USP13: variants seen among roughly 807,000 people sequenced by gnomAD.
The protein encoded by USP13 is ubiquitin carboxyl-terminal hydrolase 13.
Under a neutral mutation model 107.8 loss-of-function variants are expected in USP13, and 68 were observed. That is an observed-to-expected ratio of 0.63 (90% CI 0.52 to 0.77). The LOEUF (loss-of-function observed/expected upper bound fraction) is 0.77. Among genes scored for constraint, USP13 ranks in the 30% least tolerant of loss-of-function variants. The pLI, the probability that USP13 is intolerant of heterozygous loss-of-function variation, is 0.00. For missense variants in USP13, 945 were observed against 1,093.3 expected (o/e 0.86, Z 1.91); for synonymous variants, 377 against 389.5 (o/e 0.97, Z 0.38).
rs1486221029 is a variant in USP13 at position 179,721,157 on chromosome 3, T to G, written c.901-245T>G. On this transcript the variant is annotated intron_variant, in intron 7 of 20. Transcript: ENST00000263966. The surrounding 1 kb of genome is among the most constrained non-coding windows in gnomAD (Gnocchi z 4.3). ...GTGTTTTAAAAATTGTGGTACAATA[T>G]ATATAATATAAAAGCTACCATTTTA... 1.3e-5 allele frequency among the ~76,000 whole-genome samples: 2 copies of G among 152,206 alleles called. No homozygotes were observed. Among genetic ancestry groups the G allele is most frequent in the African/African-American group, 4.8e-5 (2 of 41,444 alleles).
Position 179,725,578 on chromosome 3 carries a change from A to G in USP13, c.1088+3989A>G, listed in dbSNP as rs183551216. On this transcript the variant is annotated intron_variant, in intron 8 of 20. Transcript: ENST00000263966. ...AAGTTTCTAGTAGTTAGGGAATCCA[A>G]TTAGAAGTCATTGCCAAGTAATAGT... 2.4e-3 allele frequency among the ~76,000 whole-genome samples: 370 copies of G among 152,302 alleles called. 5 individuals are homozygous for G. The highest frequency in any genetic ancestry group is 8.6e-3 in the African/African-American group (358 of 41,566).
intron 1 of USP13, among the ~76,000 whole-genome samples, chr3:179,680,206 GAA>G (rs1711600345): frequency 7.8e-6 from 1 of 128,894 alleles, no homozygotes; most frequent in East Asian, 2.5e-4. Flanking sequence ...ACAACAAAAA[GAA>G]AGAGAGAGAG....
intron 1 of USP13, among the ~76,000 whole-genome samples, chr3:179,665,003 G>A (rs1461098010): frequency 1.3e-5 from 2 of 152,030 alleles, no homozygotes; most frequent in African/African-American, 2.4e-5. Flanking sequence ...CAGGAGAATC[G>A]CTTAAACCCA....
intron 6 of USP13, among the ~76,000 whole-genome samples, chr3:179,718,552 A>G (rs1231391895): frequency 6.6e-6 from 1 of 152,110 alleles, no homozygotes; most frequent in Non-Finnish European, 1.5e-5. Context: ...TGTGGCCTTT[A>G]TGAGCTTCTT....
At chr3:179,762,072 A>G (rs1403402364) in intron 17 of USP13, among the ~76,000 whole-genome samples, 1 of 152,224 alleles carries the variant, frequency 6.6e-6, no homozygotes, top group Non-Finnish European at 1.5e-5. Context: ...CATACATAAT[A>G]GCAGTCACTC....
intron 7 of USP13, 30 bp downstream of exon 7, chr3:179,720,064 C>G (rs912776514): frequency 6.3e-7 from 1 of 1,578,606 alleles, no homozygotes; most frequent in Non-Finnish European, 8.7e-7. Context: ...CTGTTTCCAT[C>G]TTGCATGGGG....
At chr3:179,765,969 T>G in intron 19 of USP13, 121 bp downstream of exon 19, 2 of 1,046,456 alleles carry the variant, frequency 1.9e-6, no homozygotes, top group Non-Finnish European at 2.6e-6. Context: ...ACAGATCCCA[T>G]CTTCTTCGTT....
chr3:179,753,329 GA>G (rs1479599976), intron 14 of USP13, among the ~76,000 whole-genome samples: 5 of 152,208 alleles, frequency 3.3e-5, no homozygotes, highest in Non-Finnish European at 5.9e-5. Flanking sequence ...GATCCTGCAG[GA>G]GATCCTCCCT....
intron 15 of USP13, among the ~76,000 whole-genome samples, chr3:179,755,442 G>A (rs904426821): frequency 3.9e-5 from 6 of 151,970 alleles, no homozygotes; most frequent in Non-Finnish European, 5.9e-5. Flanking sequence ...CTACAGGCGC[G>A]TGCCACCATG....
intron 15 of USP13, 148 bp downstream of exon 15, chr3:179,755,002 G>A: frequency 1.9e-6 from 2 of 1,054,944 alleles, no homozygotes; most frequent in Non-Finnish European, 2.7e-6. Flanking sequence ...CACCGACACA[G>A]GAGGGAGGCA....
chr3:179,766,912 C>T (rs1447278641), intron 19 of USP13, among the ~76,000 whole-genome samples: 1 of 152,192 alleles, frequency 6.6e-6, no homozygotes, highest in Non-Finnish European at 1.5e-5. Flanking sequence ...TCCAGGCCAC[C>T]TGGTCTCCCA....
chr3:179,681,937 T>G lies in USP13; in HGVS notation c.228T>G (p.His76Gln). ...CATTTTTGGCCTTTGGAAGGGAACATGTTGAAAGACATTTTCGAAAAACTG... is the reference window on the plus strand; with the variant it reads ...CATTTTTGGCCTTTGGAAGGGAACAGGTTGAAAGACATTTTCGAAAAACTG... ...MNTFLAFGRE[H>Q]VERHFRKTGQ... Residue 76 changes from histidine (H) to glutamine (Q), a missense_variant, in exon 2 of 21, where the codon CAT (histidine) becomes CAG (glutamine). By Grantham distance (24) the His-to-Gln change is conservative. Coordinates refer to ENST00000263966, the MANE Select transcript of USP13 (RefSeq NM_003940.3). 6.2e-7 allele frequency: 1 copy of G among 1,614,088 alleles called. No homozygotes were observed. Among genetic ancestry groups the G allele is most frequent in the Non-Finnish European group, 8.5e-7 (1 of 1,179,992 alleles).
intron 1 of USP13, among the ~76,000 whole-genome samples, chr3:179,671,767 G>A (rs372531267): frequency 5.9e-5 from 9 of 152,026 alleles, no homozygotes; most frequent in Admixed American, 2.0e-4. Flanking sequence ...TTTTTGAGTC[G>A]ATGTTCTAGA....
intron 2 of USP13, among the ~76,000 whole-genome samples, chr3:179,688,295 C>T (rs1711967894): frequency 6.6e-6 from 1 of 152,092 alleles, no homozygotes; most frequent in Admixed American, 6.5e-5. Context: ...TCTTACCAGC[C>T]CTGCCCACAC....
chr3:179,743,515 G>C (rs1000741387), intron 12 of USP13, among the ~76,000 whole-genome samples: 6 of 152,004 alleles, frequency 3.9e-5, no homozygotes, highest in Non-Finnish European at 8.8e-5. Context: ...GATGATTTAA[G>C]ATGAAACGAT....
chr3:179,688,234 C>CATCCATCCATCCATCCATCCATCCATCT lies in USP13; in HGVS notation c.295-2002_295-2001insTCCATCCATCCATCCATCCATCTATCCA, dbSNP rs780480797. 4.8e-5 allele frequency among the ~76,000 whole-genome samples: 7 copies of CATCCATCCATCCATCCATCCATCCATCT among 145,854 alleles called. 1 individual carries two copies. Among genetic ancestry groups the CATCCATCCATCCATCCATCCATCCATCT allele is most frequent in the South Asian group, 2.2e-4 (1 of 4,528 alleles). On this transcript the variant is annotated intron_variant, in intron 2 of 20. Transcript: ENST00000263966. ...CCATCCATCCATCCATCCATCCATC[C>CATCCATCCATCCATCCATCCATCCATCT]ATCCAACAAATATTTACTCAGTAGC...
At chr3:179,699,639 G>A (rs1712438675) in intron 3 of USP13, among the ~76,000 whole-genome samples, 1 of 145,534 alleles carries the variant, frequency 6.9e-6, no homozygotes, top group Non-Finnish European at 1.5e-5. Flanking sequence ...GTTTGATGTT[G>A]TAGTAAGCTA....
intron 2 of USP13, among the ~76,000 whole-genome samples, chr3:179,682,526 T>TGA (rs1711699108): frequency 6.6e-6 from 1 of 152,216 alleles, no homozygotes; most frequent in Non-Finnish European, 1.5e-5. Context: ...TAACTTTATA[T>TGA]GTTTTAAAGA....
chr3:179,714,869 T>TC (rs1560059336), intron 6 of USP13, among the ~76,000 whole-genome samples: 1 of 44,772 alleles, frequency 2.2e-5, no homozygotes, highest in Non-Finnish European at 5.6e-5. Flanking sequence ...TTTTCCTTTT[T>TC]CTTTTTTTTT....
Sources: allele counts gnomAD v4.1 joint callset (sites outside exome capture counted in the v4.1 genomes callset), GRCh38; gene constraint gnomAD v4.1.1; non-coding constraint Gnocchi (gnomAD v3.1); transcripts MANE v1.5; gene names NCBI Gene and HGNC (gene_info 2026-07-23, HGNC 2026-07-21).